Variants in ADNP2 observed in about 807,000 individuals in gnomAD.
ADNP2 encodes the protein ADNP homeobox 2.
Under a neutral mutation model 16.4 loss-of-function variants are expected in ADNP2, and 8 were observed. That is an observed-to-expected ratio of 0.49 (90% CI 0.29 to 0.88). The LOEUF (loss-of-function observed/expected upper bound fraction) is 0.88. ADNP2 is among the 40% of genes least tolerant of loss of function. The probability of loss-of-function intolerance (pLI) is 0.09; values close to 1 mark genes in which losing one functional copy is unlikely to be tolerated. For synonymous variants in ADNP2, 637 were observed against 545.8 expected, an observed-to-expected ratio of 1.17 and a Z score of -2.33; for missense variants, 1,397 against 1,395.1, an observed-to-expected ratio of 1.00 and a Z score of -0.02.
chr18:80,134,376 AGAATG>A (rs1475225997), intron 3 of ADNP2, among the ~76,000 whole-genome samples: 1 of 142,946 alleles, frequency 7.0e-6, no homozygotes, highest in Non-Finnish European at 1.5e-5. Context: ...AAAAAACTGA[AGAATG>A]GAAGAGTGTG....
chr18:80,125,621 CG>C (rs2052453231), intron 2 of ADNP2, among the ~76,000 whole-genome samples: 1 of 151,058 alleles, frequency 6.6e-6, no homozygotes, highest in Admixed American at 6.6e-5. Flanking sequence ...CCAGCCTGGG[CG>C]ACAGAGTGAG....
Position 80,138,883 on chromosome 18 carries a change from T to A in ADNP2, c.*74T>A. 2.3e-6 allele frequency: 3 copies of A among 1,310,446 alleles called. No homozygotes were observed. Among genetic ancestry groups the A allele is most frequent in the Non-Finnish European group, 3.0e-6 (3 of 987,156 alleles). 81.2% of individuals were successfully genotyped at this position (1,310,446 alleles called of 1,614,324 possible). A position where few individuals can be genotyped will look rare whatever the true frequency, so the allele number is the denominator to read the frequency against. ...TTTCAGTTGAAATTTCACAGTGTTG[T>A]CCTCACTGTGTTGGTGAATCAACCT... On this transcript the variant is annotated 3_prime_UTR_variant, in exon 4 of 4. Transcript: ENST00000262198.
At chr18:80,112,483 A>G (rs974748143) in intron 1 of ADNP2, among the ~76,000 whole-genome samples, 1 of 152,094 alleles carries the variant, frequency 6.6e-6, no homozygotes, top group African/African-American at 2.4e-5. Flanking sequence ...TTTAAATGAA[A>G]AGGTATTTGT....
intron 3 of ADNP2, 96 bp from the exon 4 acceptor site, chr18:80,135,516 C>T: frequency 8.1e-7 from 1 of 1,231,764 alleles, no homozygotes; most frequent in East Asian, 2.5e-5. Context: ...ATGCCTAGCA[C>T]ATTAGAAGAA....
At chr18:80,134,343 A>G (rs2052517485) in intron 3 of ADNP2, among the ~76,000 whole-genome samples, 1 of 151,996 alleles carries the variant, frequency 6.6e-6, no homozygotes, top group Admixed American at 6.6e-5. Context: ...TCAGTAACAG[A>G]GTGAGACTCT....
chr18:80,111,354 C>T (rs1338388909), intron 1 of ADNP2, among the ~76,000 whole-genome samples: 2 of 152,090 alleles, frequency 1.3e-5, no homozygotes, highest in Admixed American at 1.3e-4. Context: ...AGGTCATACT[C>T]GCCCTGTTTT....
intron 2 of ADNP2, among the ~76,000 whole-genome samples, chr18:80,127,999 A>G (rs575618488): frequency 1.3e-5 from 2 of 152,400 alleles, no homozygotes; most frequent in Admixed American, 1.3e-4. Context: ...CACAAGGTCA[A>G]TATGGCAGGA....
chr18:80,115,004 G>T (rs2052380359), intron 1 of ADNP2, among the ~76,000 whole-genome samples: 1 of 152,094 alleles, frequency 6.6e-6, no homozygotes, highest in Non-Finnish European at 1.5e-5. Flanking sequence ...AATTCTCATG[G>T]CATTATTTCC....
intron 2 of ADNP2, among the ~76,000 whole-genome samples, chr18:80,131,397 T>G (rs2052495274): frequency 6.6e-6 from 1 of 152,204 alleles, no homozygotes; most frequent in African/African-American, 2.4e-5. Flanking sequence ...GAAAAATGAT[T>G]GATTCCATCT....
rs1029186523 is a variant in ADNP2 at position 80,140,182 on chromosome 18, C to T, written c.*1373C>T. On this transcript the variant is annotated 3_prime_UTR_variant, in exon 4 of 4. Coordinates refer to ENST00000262198, the MANE Select transcript of ADNP2 (RefSeq NM_014913.4). ...TGGATTTTAAAAAATATAATACTTG[C>T]ATGTAATTGCTATAATGTTCATATT... 3 of 152,290 alleles carry T rather than the reference C, an allele frequency of 2.0e-5. No homozygotes were observed. Among genetic ancestry groups the T allele is most frequent in the Non-Finnish European group, 2.9e-5 (2 of 68,002 alleles). The allele number at this position is 152,290 out of a possible 1,614,324, so 9.4% of individuals were successfully genotyped here. A position where few individuals can be genotyped will look rare whatever the true frequency, so the allele number is the denominator to read the frequency against.
In ADNP2 at chr18:80,138,271, C is replaced by A; in HGVS notation, c.2858C>A (p.Pro953Gln). Residue 953 changes from proline to glutamine, a missense_variant, in exon 4 of 4, where the codon CCG (proline) becomes CAG (glutamine). By Grantham distance (76) the Pro-to-Gln change is moderately conservative. Transcript: ENST00000262198. ...KDSSSDLQAQ[P>Q]GFIHNSELLL... Reference sequence around the variant, plus strand: ...AGCAGCTCAGACCTGCAGGCCCAGCCGGGTTTTATTCACAACAGTGAACTG... The same window carrying A: ...AGCAGCTCAGACCTGCAGGCCCAGCAGGGTTTTATTCACAACAGTGAACTG... 3 of 1,614,128 alleles carry A rather than the reference C, an allele frequency of 1.9e-6. No homozygotes were observed. Among genetic ancestry groups the A allele is most frequent in the Non-Finnish European group, 2.5e-6 (3 of 1,180,044 alleles).
intron 2 of ADNP2, among the ~76,000 whole-genome samples, chr18:80,129,694 A>G (rs1254650770): frequency 6.6e-6 from 1 of 152,172 alleles, no homozygotes; most frequent in Non-Finnish European, 1.5e-5. Flanking sequence ...TTCTTGTGTC[A>G]CTTCAGGGAC....
In ADNP2 at chr18:80,117,570, GACA is replaced by G. The variant is rs1568408734; in HGVS notation, c.32_34del (p.Asn11del). The G allele has an allele frequency of 1.3e-6, 2 of 1,593,970 alleles. No individual in the cohort carries two copies. Among genetic ancestry groups the G allele is most frequent in the Non-Finnish European group, 8.5e-7 (1 of 1,174,554 alleles). On this transcript the variant is annotated inframe_deletion, in exon 2 of 4. Coordinates refer to ENST00000262198, the MANE Select transcript of ADNP2 (RefSeq NM_014913.4). ...GTTTCAAATTCCTGTGGAAAATCTT[GACA>G]ACATCAGAAAGGTGCGAAAAAAGGT...
intron 2 of ADNP2, among the ~76,000 whole-genome samples, chr18:80,131,566 ATTC>A (rs780431514): frequency 0.048 from 4,939 of 101,946 alleles, 241 homozygotes; most frequent in African/African-American, 0.16. Flanking sequence ...CAAGATGAAG[ATTC>A]TTTTTTTTTT....
chr18:80,125,073 A>G (rs2052449354), intron 2 of ADNP2, among the ~76,000 whole-genome samples: 1 of 152,158 alleles, frequency 6.6e-6, no homozygotes, highest in African/African-American at 2.4e-5. Context: ...TTAAACCTTT[A>G]ATCCATAATG....
Position 80,137,995 on chromosome 18 carries a change from C to G in ADNP2, c.2582C>G (p.Pro861Arg). 2.5e-6 allele frequency: 4 copies of G among 1,613,436 alleles called. No individual in the cohort carries two copies. Among genetic ancestry groups the G allele is most frequent in the Non-Finnish European group, 2.5e-6 (3 of 1,180,020 alleles). Residue 861 changes from proline to arginine, a missense_variant, in exon 4 of 4, where the codon CCT (proline) becomes CGT (arginine). By Grantham distance (103) the Pro-to-Arg change is moderately radical (BLOSUM62 -2). Coordinates refer to ENST00000262198, the MANE Select transcript of ADNP2 (RefSeq NM_014913.4). This position sits in a 1 kb window ranked among gnomAD's most constrained non-coding sequence, Gnocchi z 4.2. ...SLVPVYVKVR[P>R]QAEGTPGSTG... The stretch of plus-strand genomic sequence containing the variant: ...GTGCCTGTGTATGTGAAGGTGAGGC[C>G]TCAGGCTGAGGGCACCCCCGGGAGC...
intron 1 of ADNP2, among the ~76,000 whole-genome samples, chr18:80,111,106 C>T (rs899226618): frequency 3.9e-5 from 6 of 152,154 alleles, no homozygotes; most frequent in African/African-American, 1.4e-4. Flanking sequence ...TATCCTAGAC[C>T]TGTTAGGGCA....
intron 2 of ADNP2, among the ~76,000 whole-genome samples, chr18:80,126,914 A>G (rs1310607209): frequency 6.6e-6 from 1 of 152,148 alleles, no homozygotes; most frequent in Non-Finnish European, 1.5e-5. Flanking sequence ...GAAATAAACA[A>G]TTCATCTGTT....
At position 80,135,644 on chromosome 18, in the gene ADNP2, CTG is replaced by C; in HGVS notation, c.233_234del (p.Cys78Ter). On this transcript the variant is annotated frameshift_variant, in exon 4 of 4. Coordinates refer to ENST00000262198, the MANE Select transcript of ADNP2 (RefSeq NM_014913.4). LOFTEE classifies it low-confidence loss of function (END_TRUNC). ...YRTKPYCCGL[C>X]KYSTKVLTSF... The stretch of plus-strand genomic sequence containing the variant: ...GAACAAAGCCATACTGTTGTGGCCT[CTG>C]TAAATACTCTACAAAGGTGCTTACT... 1 of 1,614,182 alleles carries C rather than the reference CTG, an allele frequency of 6.2e-7. No individual in the cohort carries two copies. Among genetic ancestry groups the C allele is most frequent in the Non-Finnish European group, 8.5e-7 (1 of 1,180,022 alleles).
Sources: allele counts gnomAD v4.1 joint callset (sites outside exome capture counted in the v4.1 genomes callset), GRCh38; gene constraint gnomAD v4.1.1; non-coding constraint Gnocchi (gnomAD v3.1); transcripts MANE v1.5; gene names NCBI Gene and HGNC (gene_info 2026-07-23, HGNC 2026-07-21).